The following UNC79 variants were observed in gnomAD, a reference collection of about 807,000 sequenced individuals.
The protein encoded by UNC79 is protein unc-79 homolog.
In UNC79, 37 loss-of-function variants were observed where a neutral mutation model predicts 283.1. The observed-to-expected ratio is 0.13, with a 90% confidence interval of 0.10 to 0.17. The LOEUF is 0.17. UNC79 is among the 10% of genes least tolerant of loss of function. The pLI, the probability that UNC79 is intolerant of heterozygous loss-of-function variation, is 1.00. For synonymous variants in UNC79, 1,107 were observed against 1,200.2 expected, an observed-to-expected ratio of 0.92 and a Z score of 1.61; for missense variants, 2,272 against 3,211.1, an observed-to-expected ratio of 0.71 and a Z score of 7.07.
chr14:93,369,744 A>G (rs2054405581), intron 1 of UNC79, among the ~76,000 whole-genome samples: 1 of 152,196 alleles, frequency 6.6e-6, no homozygotes, highest in Non-Finnish European at 1.5e-5. Flanking sequence ...TGTTTCTGGC[A>G]GGCAGAGGGA....
At chr14:93,560,600 T>C (rs1223648487) in intron 14 of UNC79, among the ~76,000 whole-genome samples, 1 of 151,402 alleles carries the variant, frequency 6.6e-6, no homozygotes, top group African/African-American at 2.4e-5. Flanking sequence ...GGAATAACTC[T>C]TTTTTGTCAT....
rs142803681 is a variant in UNC79 at position 93,591,305 on chromosome 14, A to T, written c.3033-2375A>T. On this transcript the variant is annotated intron_variant, in intron 22 of 48. Coordinates refer to ENST00000555664, the Ensembl canonical transcript of UNC79. ...CTATGTAAAGTCACAAATACAGGTG[A>T]TCCTTGAACAATGGGGAGGTACAAA... Among the ~76,000 whole-genome samples, 8 of 152,280 alleles carry T rather than the reference A, an allele frequency of 5.3e-5. No individual in the cohort carries two copies. In the East Asian group the frequency reaches 1.4e-3, roughly 26 times the overall value.
intron 8 of UNC79, among the ~76,000 whole-genome samples, chr14:93,525,479 A>G (rs1487589237): frequency 1.3e-5 from 2 of 151,978 alleles, no homozygotes; most frequent in Non-Finnish European, 2.9e-5. Flanking sequence ...ATGATGACCC[A>G]CACAATGGAA....
Position 93,361,359 on chromosome 14 carries a change from T to TA in UNC79, c.-351+27844dup, listed in dbSNP as rs925353059. ...CCATTTATTGAGACCCTATCTCTAT[T>TA]AAAAAAAATTAGCTGGGCATGGTGG... On this transcript the variant is annotated intron_variant, in intron 1 of 49. Transcript: ENST00000256339. Among the ~76,000 whole-genome samples, 50 of 151,502 alleles carry TA rather than the reference T, an allele frequency of 3.3e-4. 1 individual carries two copies. Among genetic ancestry groups the TA allele is most frequent in the Non-Finnish European group, 1.5e-4 (10 of 67,852 alleles).
chr14:93,540,577 C>G, intron 12 of UNC79, 83 bp from the exon 13 acceptor site: 2 of 1,482,686 alleles, frequency 1.3e-6, no homozygotes, highest in South Asian at 2.6e-5. Context: ...CTTGAGTACT[C>G]GTGAGGTACT....
intron 4 of UNC79, among the ~76,000 whole-genome samples, chr14:93,482,057 G>T (rs2058173195): frequency 6.6e-6 from 1 of 152,134 alleles, no homozygotes. Context: ...TAATGTATGA[G>T]AATAGCCTTA....
intron 34 of UNC79, among the ~76,000 whole-genome samples, chr14:93,645,565 G>A (rs191454076): frequency 3.9e-5 from 6 of 152,196 alleles, no homozygotes; most frequent in East Asian, 1.9e-4. Context: ...GTTTATTTGC[G>A]CTAATTATGA....
At chr14:93,637,609 C>A (rs1316025535) in intron 32 of UNC79, among the ~76,000 whole-genome samples, 1 of 152,162 alleles carries the variant, frequency 6.6e-6, no homozygotes, top group Non-Finnish European at 1.5e-5. Context: ...AGGCATGCAC[C>A]ACCACACCCA....
At chr14:93,528,198 T>G (rs183928037) in intron 8 of UNC79, among the ~76,000 whole-genome samples, 10 of 152,338 alleles carry the variant, frequency 6.6e-5, no homozygotes, top group Admixed American at 6.5e-4. Flanking sequence ...AAACTACTGT[T>G]GTTTACCACT....
chr14:93,622,941 A>G, intron 30 of UNC79, 100 bp downstream of exon 32: 1 of 1,451,550 alleles, frequency 6.9e-7, no homozygotes, highest in Non-Finnish European at 9.3e-7. Flanking sequence ...TCAAACTCTT[A>G]TAATGTCAGG....
chr14:93,538,595 C>T (rs558133023), intron 12 of UNC79, among the ~76,000 whole-genome samples: 6 of 152,122 alleles, frequency 3.9e-5, no homozygotes, highest in South Asian at 2.1e-4. Context: ...CAGAGTGAAG[C>T]GTGTGAATAG....
chr14:93,454,718 T>G (rs1247531349), intron 1 of UNC79, among the ~76,000 whole-genome samples: 1 of 152,236 alleles, frequency 6.6e-6, no homozygotes, highest in Non-Finnish European at 1.5e-5. Flanking sequence ...GGATTTTGTC[T>G]TATTTATGTT....
At chr14:93,553,949 A>G (rs1456302430) in intron 14 of UNC79, among the ~76,000 whole-genome samples, 1 of 152,250 alleles carries the variant, frequency 6.6e-6, no homozygotes, top group Non-Finnish European at 1.5e-5. Flanking sequence ...AAATAGGACC[A>G]CAGTTTATTT....
intron 29 of UNC79, 119 bp downstream of exon 30, chr14:93,618,473 A>C: frequency 8.6e-7 from 1 of 1,161,882 alleles, no homozygotes; most frequent in Non-Finnish European, 1.1e-6. Context: ...AAAAAAAATC[A>C]CTTTCTTAAT....
At chr14:93,507,217 GT>G (rs986185141) in intron 7 of UNC79, among the ~76,000 whole-genome samples, 1 of 152,080 alleles carries the variant, frequency 6.6e-6, no homozygotes, top group Admixed American at 6.6e-5. Context: ...TCTTATACAA[GT>G]TTTTTTGTGG....
intron 1 of UNC79, among the ~76,000 whole-genome samples, chr14:93,414,997 C>T (rs147424866): frequency 7.9e-5 from 12 of 152,238 alleles, no homozygotes; most frequent in African/African-American, 2.4e-4. Flanking sequence ...CTTTTCCTAA[C>T]TGAATACCCT....
intron 5 of UNC79, among the ~76,000 whole-genome samples, chr14:93,493,891 ATATATATATATT>A (rs1451589334): frequency 9.3e-5 from 6 of 64,224 alleles, no homozygotes; most frequent in African/African-American, 2.8e-4. Flanking sequence ...ATATATATAT[ATATATATATATT>A]TTTTTTTTTT....
intron 35 of UNC79, among the ~76,000 whole-genome samples, chr14:93,653,436 T>G (rs2070535548): frequency 6.6e-6 from 1 of 152,138 alleles, no homozygotes. Flanking sequence ...CAGTCTTGAC[T>G]GTCATTCTGT....
rs145713967 is a variant in UNC79 at position 93,455,559 on chromosome 14, A to C, written c.23-12112A>C. On this transcript the variant is annotated intron_variant, in intron 1 of 48. Transcript: ENST00000555664. The stretch of plus-strand genomic sequence containing the variant: ...TGACACAAGATTACTAGTATGTCTT[A>C]TATCTTCTTTACTCCACAGGTTACA... 6.0e-3 allele frequency among the ~76,000 whole-genome samples: 907 copies of C among 152,130 alleles called. 13 individuals are homozygous for C. Among genetic ancestry groups the C allele is most frequent in the African/African-American group, 0.021 (869 of 41,514 alleles).
Sources: gnomAD v4.1 joint callset for allele counts (sites outside exome capture counted in the v4.1 genomes callset) on GRCh38, gnomAD v4.1.1 for gene constraint, MANE v1.5 for transcripts, NCBI Gene and HGNC (gene_info 2026-07-23, HGNC 2026-07-21) for gene names.